MCF2L2: variants seen among roughly 807,000 people sequenced by gnomAD.
MCF2L2 encodes probable guanine nucleotide exchange factor MCF2L2.
A neutral mutation model predicts 150.2 loss-of-function variants in MCF2L2; 102 were observed. That is an observed-to-expected ratio of 0.68 (90% CI 0.58 to 0.80). MCF2L2 has a LOEUF of 0.80. MCF2L2 is among the 30% of genes least tolerant of loss of function. The pLI, the probability that MCF2L2 is intolerant of heterozygous loss-of-function variation, is 0.00. For missense variants in MCF2L2, 1,256 were observed against 1,372.8 expected (o/e 0.91, Z 1.34); for synonymous variants, 465 against 491.3 (o/e 0.95, Z 0.71).
At chr3:183,424,994 G>A (rs1239754106) in intron 1 of MCF2L2, among the ~76,000 whole-genome samples, 1 of 152,160 alleles carries the variant, frequency 6.6e-6, no homozygotes, top group Non-Finnish European at 1.5e-5. Context: ...TTAGGCTGCA[G>A]AGAATGACTA....
At chr3:183,319,119 ACT>A (rs1729711498) in intron 6 of MCF2L2, among the ~76,000 whole-genome samples, 1 of 152,144 alleles carries the variant, frequency 6.6e-6, no homozygotes, top group South Asian at 2.1e-4. Context: ...ATCCTCTCAA[ACT>A]CTGCCACTGC....
chr3:183,246,717 G>T (rs1283072378), intron 15 of MCF2L2, among the ~76,000 whole-genome samples: 1 of 152,086 alleles, frequency 6.6e-6, no homozygotes, highest in African/African-American at 2.4e-5. Flanking sequence ...TGGGATTGCT[G>T]GATCATAGGA....
At chr3:183,402,447 C>A (rs1420152295) in intron 1 of MCF2L2, among the ~76,000 whole-genome samples, 1 of 70,408 alleles carries the variant, frequency 1.4e-5, no homozygotes, top group Admixed American at 1.4e-4. Flanking sequence ...GAGCGAGACT[C>A]CATCAAAAAA....
chr3:183,280,428 T>C (rs1029874537), intron 14 of MCF2L2, among the ~76,000 whole-genome samples: 6 of 152,200 alleles, frequency 3.9e-5, no homozygotes, highest in Non-Finnish European at 5.9e-5. Flanking sequence ...GTTTTTTTTT[T>C]CTTCCCTAAA....
chr3:183,179,220 C>A lies in MCF2L2; in HGVS notation c.*160G>T. On this transcript the variant is annotated 3_prime_UTR_variant, in exon 30 of 30. Transcript: ENST00000328913. The surrounding 1 kb of genome is among the most constrained non-coding windows in gnomAD (Gnocchi z 4.2). The stretch of plus-strand genomic sequence containing the variant: ...CGGAGCTAGGCGCGCACCCAGGACA[C>A]CCCTCGGGCTCCTCGGAGGAGGCCC... 9.9e-7 allele frequency: 1 copy of A among 1,014,446 alleles called. No individual in the cohort carries two copies. The highest frequency in any genetic ancestry group is 1.3e-6 in the Non-Finnish European group (1 of 760,688). The allele number at this position is 1,014,446 out of a possible 1,614,324, so 62.8% of individuals were successfully genotyped here.
At chr3:183,423,558 G>GA (rs1715994112) in intron 1 of MCF2L2, among the ~76,000 whole-genome samples, 1 of 151,722 alleles carries the variant, frequency 6.6e-6, no homozygotes, top group African/African-American at 2.4e-5. Context: ...GGGCAAGGTG[G>GA]AAAGTGAGCC....
Position 183,241,210 on chromosome 3 carries a change from G to GT in MCF2L2, c.1863-10194dup, listed in dbSNP as rs930339202. 6.6e-5 allele frequency among the ~76,000 whole-genome samples: 10 copies of GT among 152,192 alleles called. 1 individual carries two copies. The South Asian group carries it at 1.2e-3, about 19-fold the overall frequency. On this transcript the variant is annotated intron_variant, in intron 15 of 29. Transcript: ENST00000328913. The stretch of plus-strand genomic sequence containing the variant: ...AGGTTTTTCTTTAAGTAAAAAATCA[G>GT]TTTTTTTAAATAAAAAGTTTTTTAA...
chr3:183,194,702 G>A (rs1390832775), intron 26 of MCF2L2, among the ~76,000 whole-genome samples: 1 of 152,094 alleles, frequency 6.6e-6, no homozygotes, highest in Non-Finnish European at 1.5e-5. Context: ...GTGGGGTTGG[G>A]AACTGATTTA....
intron 4 of MCF2L2, among the ~76,000 whole-genome samples, chr3:183,340,520 C>CA (rs2108540558): frequency 6.6e-6 from 1 of 152,144 alleles, no homozygotes; most frequent in Non-Finnish European, 1.5e-5. Flanking sequence ...AGATAGGGAT[C>CA]AAAATCAGAC....
chr3:183,325,725 C>A (rs1408797828), intron 5 of MCF2L2, among the ~76,000 whole-genome samples: 2 of 152,182 alleles, frequency 1.3e-5, no homozygotes, highest in African/African-American at 4.8e-5. Context: ...AGAAACCTAT[C>A]CTGCCAGGCT....
In MCF2L2 at chr3:183,216,574, ATATATATTTTTTTTTTTTTTTTTT is replaced by A. The variant is rs1237103845; in HGVS notation, c.2371-504_2371-481del. Among the ~76,000 whole-genome samples the A allele has an allele frequency of 2.2e-3, 120 of 54,446 alleles. 6 individuals carry two copies. Among genetic ancestry groups the A allele is most frequent in the East Asian group, 3.4e-3 (10 of 2,900 alleles). The allele number at this position is 54,446 out of a possible 152,430, so 35.7% of individuals were successfully genotyped here. On this transcript the variant is annotated intron_variant, in intron 21 of 29. Transcript: ENST00000328913. ...ATATTATATATATATATATATATAT[ATATATATTTTTTTTTTTTTTTTTT>A]TTTTTTTTTTTTTTTTTTGAGAGCG...
chr3:183,410,585 A>T (rs1715271980), intron 1 of MCF2L2, among the ~76,000 whole-genome samples: 1 of 152,102 alleles, frequency 6.6e-6, no homozygotes, highest in South Asian at 2.1e-4. Context: ...GTGACATCTT[A>T]ATGTAGTTAT....
chr3:183,334,876 G>A (rs993265964), intron 5 of MCF2L2, among the ~76,000 whole-genome samples: 87 of 151,854 alleles, frequency 5.7e-4, no homozygotes, highest in African/African-American at 1.9e-3. Context: ...AGGCTAAGGC[G>A]GACAGATGGC....
intron 15 of MCF2L2, chr3:183,272,973 C>A: frequency 6.9e-7 from 1 of 1,452,420 alleles, no homozygotes; most frequent in South Asian, 1.5e-5. Flanking sequence ...GTTTAAATTT[C>A]AAGGAAATAT....
At chr3:183,299,299 C>G (rs967713506) in intron 11 of MCF2L2, 6 of 152,290 alleles carry the variant, frequency 3.9e-5, no homozygotes, top group African/African-American at 7.2e-5. Context: ...CCTGCACCAC[C>G]TGCACCAGAA....
intron 22 of MCF2L2, among the ~76,000 whole-genome samples, chr3:183,211,076 G>A (rs1444376528): frequency 3.9e-5 from 6 of 152,112 alleles, no homozygotes; most frequent in African/African-American, 1.4e-4. Flanking sequence ...TGAAGAAGGT[G>A]AGTCATTAGA....
In MCF2L2 at chr3:183,358,844, T is replaced by C. The variant is rs1031583749; in HGVS notation, c.276-17214A>G. Reference sequence around the variant, plus strand: ...CTTGCCGTGTTGCCCAGGCAGGTCTTGAACCCCTCAAGTAATCCTTCTGCC... The same window carrying C: ...CTTGCCGTGTTGCCCAGGCAGGTCTCGAACCCCTCAAGTAATCCTTCTGCC... On this transcript the variant is annotated intron_variant, in intron 3 of 29. Coordinates refer to ENST00000328913, the MANE Select transcript of MCF2L2 (RefSeq NM_015078.4). Among the ~76,000 whole-genome samples the C allele has an allele frequency of 4.6e-5, 7 of 152,132 alleles. No homozygotes were observed. In the South Asian group the frequency reaches 1.2e-3, roughly 27 times the overall value.
chr3:183,313,563 A>G (rs967160926), intron 7 of MCF2L2, among the ~76,000 whole-genome samples: 3 of 152,252 alleles, frequency 2.0e-5, no homozygotes, highest in Non-Finnish European at 2.9e-5. Flanking sequence ...TGTCATGAAC[A>G]CAGACGGAAA....
intron 22 of MCF2L2, among the ~76,000 whole-genome samples, chr3:183,211,485 C>T (rs1043894336): frequency 8.5e-5 from 13 of 152,134 alleles, no homozygotes; most frequent in Admixed American, 2.0e-4. Flanking sequence ...GCCCAAGGTC[C>T]GATCTCCAGC....
Sources: allele counts gnomAD v4.1 joint callset (sites outside exome capture counted in the v4.1 genomes callset), GRCh38; gene constraint gnomAD v4.1.1; non-coding constraint Gnocchi (gnomAD v3.1); transcripts MANE v1.5; gene names NCBI Gene and HGNC (gene_info 2026-07-23, HGNC 2026-07-21).